CX3CL1: variants seen among roughly 807,000 people sequenced by gnomAD.
CX3CL1 encodes the protein C-X3-C motif chemokine ligand 1, also known as fractalkine.
In CX3CL1, 1 loss-of-function variant was observed where a neutral mutation model predicts 14.1. That is an observed-to-expected ratio of 0.07 (90% CI 0.03 to 0.34). The LOEUF is 0.34. Ranked by LOEUF, CX3CL1 falls within the 10% of genes least tolerant of loss-of-function variation. The pLI is 0.99. For missense variants in CX3CL1, 505 were observed against 536.4 expected, an observed-to-expected ratio of 0.94 and a Z score of 0.58; for synonymous variants, 255 against 229.6, an observed-to-expected ratio of 1.11 and a Z score of -1.00.
At chr16:57,379,053 A>C (rs1787786) in intron 1 of CX3CL1, 107,353 of 152,012 alleles carry the variant, frequency 0.71, 38,059 homozygotes, top group Non-Finnish European at 0.73. Flanking sequence ...TAACTCGGGC[A>C]TGGTGGCTCA....
Position 57,382,417 on chromosome 16 carries a change from T to G in CX3CL1, c.579T>G (p.Thr193=), listed in dbSNP as rs762624738. 6.2e-7 allele frequency: 1 copy of G among 1,612,666 alleles called. No homozygotes were observed. Among genetic ancestry groups the G allele is most frequent in the Non-Finnish European group, 8.5e-7 (1 of 1,179,954 alleles). ...TTTTCCGAGTGCCTCCCGTCTCCAC[T>G]GCCGCCACGTGGCAGAGTTCTGCTC... is the stretch of plus-strand genomic sequence containing the variant. ...TELFRVPPVS[T]AATWQSSAPH... is the part of the protein sequence containing the mutation. The change falls in exon 3 of 3, where the codon ACT becomes ACG. Residue 193 remains threonine (T), a synonymous_variant. Coordinates refer to ENST00000006053, the MANE Select transcript of CX3CL1 (RefSeq NM_002996.6). This position sits in a 1 kb window ranked among gnomAD's most constrained non-coding sequence, Gnocchi z 6.9.
Position 57,384,281 on chromosome 16 carries a change from G to C in CX3CL1, c.*1249G>C, listed in dbSNP as rs781054593. The C allele has an allele frequency of 4.6e-5, 7 of 152,258 alleles. No homozygotes were observed. The highest frequency in any genetic ancestry group is 3.9e-4 in the Admixed American group (6 of 15,288). The allele number at this position is 152,258 out of a possible 1,614,324, so 9.4% of individuals were successfully genotyped here. ...CTCCAAGACCTTCTCCTTCACCTTTGTCCCCACCGCAGACAGGACCAGGGA... is the reference window on the plus strand; with the variant it reads ...CTCCAAGACCTTCTCCTTCACCTTTCTCCCCACCGCAGACAGGACCAGGGA... On this transcript the variant is annotated 3_prime_UTR_variant, in exon 3 of 3. Transcript: ENST00000006053.
chr16:57,372,754 G>A, intron 1 of CX3CL1, 116 bp downstream of exon 1: 5 of 956,946 alleles, frequency 5.2e-6, no homozygotes, highest in Non-Finnish European at 6.4e-6. Flanking sequence ...CAAGGCCGGT[G>A]GCAGCCGCTT....
chr16:57,374,242 C>A (rs1465540801), intron 1 of CX3CL1, among the ~76,000 whole-genome samples: 1 of 152,066 alleles, frequency 6.6e-6, no homozygotes, highest in African/African-American at 2.4e-5. Context: ...GCCAGAGAGA[C>A]CCCGAGAGGA....
rs201467674 is a variant in CX3CL1, at chr16:57,382,653, C to T, written c.815C>T (p.Thr272Met). 1.4e-5 allele frequency: 22 copies of T among 1,613,104 alleles called. No homozygotes were observed. The East Asian group carries it at 3.1e-4, about 23-fold the overall frequency. Residue 272 changes from threonine (T) to methionine (M), a missense_variant, in exon 3 of 3, where the codon ACG becomes ATG. Transcript: ENST00000006053. The surrounding 1 kb of genome is among the most constrained non-coding windows in gnomAD (Gnocchi z 6.9). ...GAGATGGGTCCCGTGCCAGCGCACA[C>T]GGATGCCTTCCAGGACTGGGGGCCT... ...REEMGPVPAH[T>M]DAFQDWGPGS...
chr16:57,382,003 C>T lies in CX3CL1; in HGVS notation c.192-27C>T, dbSNP rs1204902839. The stretch of plus-strand genomic sequence containing the variant: ...CCGGGTTTCTGGTATCTGGGCATAA[C>T]CGAATCCCTGTCTTCCTCCCTTGTA... On this transcript the variant is annotated intron_variant, in intron 2 of 2. Transcript: ENST00000006053. The surrounding 1 kb of genome is among the most constrained non-coding windows in gnomAD (Gnocchi z 6.9). 2 of 1,550,720 alleles carry T rather than the reference C, an allele frequency of 1.3e-6. No individual in the cohort carries two copies. The highest frequency in any genetic ancestry group is 1.4e-5 in the African/African-American group (1 of 73,478).
intron 2 of CX3CL1, among the ~76,000 whole-genome samples, chr16:57,380,898 T>C (rs1902310521): frequency 6.6e-6 from 1 of 152,208 alleles, no homozygotes. Flanking sequence ...AAAGGAAGTC[T>C]GGCACTTCCT....
chr16:57,375,267 G>C (rs1902231660), intron 1 of CX3CL1, among the ~76,000 whole-genome samples: 1 of 152,200 alleles, frequency 6.6e-6, no homozygotes, highest in African/African-American at 2.4e-5. Flanking sequence ...TTGGAGCGGG[G>C]TGAGGGCGGG....
chr16:57,374,285 G>C (rs1346911832), intron 1 of CX3CL1, among the ~76,000 whole-genome samples: 1 of 151,996 alleles, frequency 6.6e-6, no homozygotes, highest in Non-Finnish European at 1.5e-5. Context: ...GCCCTGACTA[G>C]TGTGGGGCAG....
Position 57,382,203 on chromosome 16 carries a change from A to T in CX3CL1, c.365A>T (p.Asp122Val), listed in dbSNP as rs1441972304. The change falls in exon 3 of 3, where the codon GAC (aspartate) becomes GTC (valine). Residue 122 changes from aspartate (D) to valine (V), a missense_variant. Transcript: ENST00000006053. This position sits in a 1 kb window ranked among gnomAD's most constrained non-coding sequence, Gnocchi z 6.9. Reference protein sequence around the residue: ...PRTTPAAGGMDESVVLEPEAT... With the variant: ...PRTTPAAGGMVESVVLEPEAT... Reference sequence around the variant, plus strand: ...ACCACCCCTGCCGCCGGGGGAATGGACGAGTCTGTGGTCCTGGAGCCCGAA... The same window carrying T: ...ACCACCCCTGCCGCCGGGGGAATGGTCGAGTCTGTGGTCCTGGAGCCCGAA... 1 of 1,613,328 alleles carries T rather than the reference A, an allele frequency of 6.2e-7. No homozygotes were observed. Among genetic ancestry groups the T allele is most frequent in the South Asian group, 1.1e-5 (1 of 91,058 alleles).
In CX3CL1 at chr16:57,372,494, G is replaced by A; in HGVS notation, c.-75G>A. Reference sequence around the variant, plus strand: ...CCACAGATCTCTGGCGGCGGCAAGGGGACAGCACTGAGCTCTGCCGCCTGG... The same window carrying A: ...CCACAGATCTCTGGCGGCGGCAAGGAGACAGCACTGAGCTCTGCCGCCTGG... On this transcript the variant is annotated 5_prime_UTR_variant, in exon 1 of 3. Transcript: ENST00000006053. 8.6e-6 allele frequency: 12 copies of A among 1,393,646 alleles called. No homozygotes were observed. Among genetic ancestry groups the A allele is most frequent in the South Asian group, 1.2e-5 (1 of 85,294 alleles). 86.3% of individuals were successfully genotyped at this position (1,393,646 alleles called of 1,614,324 possible). A position where few individuals can be genotyped will look rare whatever the true frequency, so the allele number is the denominator to read the frequency against.
Position 57,382,694 on chromosome 16 carries a change from G to A in CX3CL1, c.856G>A (p.Val286Ile), listed in dbSNP as rs574947825. ...QDWGPGSMAH[V>I]SVVPVSSEGT... ...CTGGGGGCCTGGCAGCATGGCCCAC[G>A]TCTCTGTGGTCCCTGTCTCCTCAGA... Residue 286 changes from valine (V) to isoleucine (I), a missense_variant, in exon 3 of 3, where the codon GTC becomes ATC. Coordinates refer to ENST00000006053, the MANE Select transcript of CX3CL1 (RefSeq NM_002996.6). This position sits in a 1 kb window ranked among gnomAD's most constrained non-coding sequence, Gnocchi z 6.9. 5.8e-5 allele frequency: 94 copies of A among 1,612,692 alleles called. No homozygotes were observed. The highest frequency in any genetic ancestry group is 2.0e-4 in the South Asian group (18 of 90,968).
In CX3CL1 at chr16:57,382,851, C is replaced by T; in HGVS notation, c.1013C>T (p.Thr338Ile). The T allele has an allele frequency of 6.4e-7, 1 of 1,559,356 alleles. No individual in the cohort carries two copies. Among genetic ancestry groups the T allele is most frequent in the Non-Finnish European group, 8.7e-7 (1 of 1,148,714 alleles). Residue 338 changes from threonine (T) to isoleucine (I), a missense_variant, in exon 3 of 3, where the codon ACC (threonine) becomes ATC (isoleucine). By Grantham distance (89) the Thr-to-Ile change is moderately conservative (BLOSUM62 -1). Transcript: ENST00000006053. The surrounding 1 kb of genome is among the most constrained non-coding windows in gnomAD (Gnocchi z 6.9). ...ITPVPDAQAA[T>I]RRQAVGLLAF... ...CCTGTCCCTGACGCCCAGGCTGCCACCCGGAGGCAGGCGGTGGGGCTGCTG... is the reference window on the plus strand; with the variant it reads ...CCTGTCCCTGACGCCCAGGCTGCCATCCGGAGGCAGGCGGTGGGGCTGCTG...
chr16:57,378,615 C>T (rs1902276332), intron 1 of CX3CL1: 1 of 152,072 alleles, frequency 6.6e-6, no homozygotes, highest in African/African-American at 2.4e-5. Flanking sequence ...AGGTGCACAC[C>T]ATCATGCCAG....
intron 1 of CX3CL1, among the ~76,000 whole-genome samples, chr16:57,375,668 T>A (rs1190504739): frequency 2.0e-5 from 3 of 152,244 alleles, no homozygotes; most frequent in Non-Finnish European, 4.4e-5. Flanking sequence ...GACACACAGC[T>A]GGGCAATGGC....
rs535695237 is a variant in CX3CL1 at position 57,382,110 on chromosome 16, G to A, written c.272G>A (p.Arg91His). 15 of 1,613,948 alleles carry A rather than the reference G, an allele frequency of 9.3e-6. No individual in the cohort carries two copies. The highest frequency in any genetic ancestry group is 2.2e-5 in the South Asian group (2 of 91,066). Reference protein sequence around the residue: ...WVKDAMQHLDRQAAALTRNGG... With the variant: ...WVKDAMQHLDHQAAALTRNGG... The stretch of plus-strand genomic sequence containing the variant: ...AAGGACGCGATGCAGCATCTGGACC[G>A]CCAGGCTGCTGCCCTAACTCGAAAT... Residue 91 changes from arginine to histidine, a missense_variant, in exon 3 of 3, where the codon CGC becomes CAC. Transcript: ENST00000006053. The surrounding 1 kb of genome is among the most constrained non-coding windows in gnomAD (Gnocchi z 6.9).
intron 1 of CX3CL1, chr16:57,378,375 A>C (rs1902272832): frequency 6.6e-6 from 1 of 151,824 alleles, no homozygotes; most frequent in African/African-American, 2.4e-5. Flanking sequence ...ACATAGCAAG[A>C]CCCTGTCTCT....
In CX3CL1 at chr16:57,383,644, G is replaced by C. The variant is rs1306887832; in HGVS notation, c.*612G>C. On this transcript the variant is annotated 3_prime_UTR_variant, in exon 3 of 3. Coordinates refer to ENST00000006053, the MANE Select transcript of CX3CL1 (RefSeq NM_002996.6). ...GGCATTGTGGGAAGGGGAGATAAGG[G>C]TATCTGGTGACTTTCCTCTTTGGTC... 4 of 152,908 alleles carry C rather than the reference G, an allele frequency of 2.6e-5. No homozygotes were observed. Among genetic ancestry groups the C allele is most frequent in the African/African-American group, 4.8e-5 (2 of 41,442 alleles). 9.5% of individuals were successfully genotyped at this position (152,908 alleles called of 1,614,324 possible).
At chr16:57,373,041 C>T (rs184778126) in intron 1 of CX3CL1, among the ~76,000 whole-genome samples, 1 of 152,094 alleles carries the variant, frequency 6.6e-6, no homozygotes, top group Non-Finnish European at 1.5e-5. Flanking sequence ...TAATGTGTAA[C>T]CCGCAGCCCT....
Sources: gnomAD v4.1 joint callset for allele counts (sites outside exome capture counted in the v4.1 genomes callset) on GRCh38, gnomAD v4.1.1 for gene constraint, Gnocchi (gnomAD v3.1) non-coding constraint, MANE v1.5 for transcripts, NCBI Gene and HGNC (gene_info 2026-07-23, HGNC 2026-07-21) for gene names.